Variants in CHD4 observed in about 807,000 individuals in gnomAD.
CHD4 encodes the protein ATP-dependent chromatin remodeler CHD4.
In CHD4, 35 loss-of-function variants were observed where a neutral mutation model predicts 235.5. The observed-to-expected ratio is 0.15, with a 90% CI of 0.11 to 0.20. The LOEUF (loss-of-function observed/expected upper bound fraction) is 0.20. CHD4 is among the 10% of genes least tolerant of loss of function. CHD4 has a pLI of 1.00. For missense variants in CHD4, 1,329 were observed against 2,432.3 expected (o/e 0.55, Z 9.54); for synonymous variants, 900 against 850.2 (o/e 1.06, Z -1.02).
chr12:6,592,039 G>C lies in CHD4; in HGVS notation c.2967C>G (p.Ile989Met). 6.2e-7 allele frequency: 1 copy of C among 1,614,174 alleles called. No individual in the cohort carries two copies. Among genetic ancestry groups the C allele is most frequent in the Non-Finnish European group, 8.5e-7 (1 of 1,180,046 alleles). The stretch of plus-strand genomic sequence containing the variant: ...TGAGTGCTTCAAAATTTCGAGTGAG[G>C]ATGTACTTGTAGTATTTCCTACATG... ...SPMQKKYYKY[I>M]LTRNFEALNA... Residue 989 changes from isoleucine to methionine, a missense_variant, in exon 20 of 40, where the codon ATC becomes ATG. Ile to Met is a conservative substitution (Grantham distance 10). Around this residue, in one of 26 missense-constraint regions of CHD4, gnomAD observed 23 missense variants for 130.0 expected, o/e 0.18. Transcript: ENST00000544040.
chr12:6,589,407 G>T (rs1001800945), intron 22 of CHD4, among the ~76,000 whole-genome samples: 1 of 152,138 alleles, frequency 6.6e-6, no homozygotes, highest in African/African-American at 2.4e-5. Flanking sequence ...CTTAACCAGT[G>T]ATCAAGTCAT....
intron 2 of CHD4, chr12:6,602,955 G>A (rs770219141): frequency 1.5e-4 from 24 of 155,310 alleles, no homozygotes; most frequent in Non-Finnish European, 3.1e-4. Flanking sequence ...CAGTTCAGGG[G>A]TCTCGGAAAC....
intron 1 of CHD4, chr12:6,607,060 T>G (rs1005583031): frequency 1.4e-5 from 2 of 144,806 alleles, no homozygotes; most frequent in East Asian, 2.1e-4. Context: ...GCGCCGGGCA[T>G]TGTGGGAGAC....
Position 6,606,382 on chromosome 12 carries a change from G to A in CHD4, c.-9C>T. ...CCCAGGCCCGACGCCATCCCCTTCC[G>A]CTCCCGGCCAGGGAATTGGCCCAGC... On this transcript the variant is annotated 5_prime_UTR_variant, in exon 2 of 40. Coordinates refer to ENST00000544040, the MANE Select transcript of CHD4 (RefSeq NM_001273.5). 6.4e-7 allele frequency: 1 copy of A among 1,563,230 alleles called. No homozygotes were observed. The highest frequency in any genetic ancestry group is 8.6e-7 in the Non-Finnish European group (1 of 1,157,160).
rs1948702111 is a variant in CHD4, at chr12:6,606,445, C to T, written c.-72G>A. On this transcript the variant is annotated 5_prime_UTR_variant, in exon 2 of 40. Coordinates refer to ENST00000544040, the MANE Select transcript of CHD4 (RefSeq NM_001273.5). ...CGGCCTGAGGACCTCTACACTGGCC[C>T]GAGTCACTGTGCGGGGGAGGGGGGA... 2.3e-6 allele frequency: 2 copies of T among 872,998 alleles called. No individual in the cohort carries two copies. Among genetic ancestry groups the T allele is most frequent in the South Asian group, 1.5e-5 (1 of 64,828 alleles). The allele number at this position is 872,998 out of a possible 1,614,324, so 54.1% of individuals were successfully genotyped here. A position where few individuals can be genotyped will look rare whatever the true frequency, so the allele number is the denominator to read the frequency against.
chr12:6,600,121 C>T, intron 9 of CHD4, 96 bp downstream of exon 9: 2 of 1,577,334 alleles, frequency 1.3e-6, no homozygotes, highest in Non-Finnish European at 1.7e-6. Context: ...CAACCCGCAG[C>T]ACCAGCATTT....
intron 11 of CHD4, 32 bp downstream of exon 11, chr12:6,598,190 G>T: frequency 6.2e-7 from 1 of 1,608,490 alleles, no homozygotes; most frequent in Non-Finnish European, 8.5e-7. Flanking sequence ...CTTCATCGTA[G>T]CCCCTACATC....
At chr12:6,601,588 A>G in intron 5 of CHD4, 58 bp from the exon 6 acceptor site, 1 of 1,612,806 alleles carries the variant, frequency 6.2e-7, no homozygotes, top group East Asian at 2.2e-5. Context: ...AAAGAAAGAG[A>G]AGTAAGAAGA....
At chr12:6,603,699 G>A (rs573691154) in intron 2 of CHD4, among the ~76,000 whole-genome samples, 8 of 152,276 alleles carry the variant, frequency 5.3e-5, no homozygotes, top group South Asian at 4.2e-4. Flanking sequence ...CAAGGAAAGC[G>A]AGACAAACAT....
rs2136226014 is a variant in CHD4, at chr12:6,602,361, C to T, written c.222+15G>A. On this transcript the variant is annotated intron_variant, in intron 3 of 39. Transcript: ENST00000544040. ...TCTTCCTCTGATTCCCCGTAACATT[C>T]AGTCACCCACTCACCTCCTTTTTTT... 10 of 1,612,614 alleles carry T rather than the reference C, an allele frequency of 6.2e-6. No individual in the cohort carries two copies. The highest frequency in any genetic ancestry group is 8.5e-6 in the Non-Finnish European group (10 of 1,179,746).
rs949246400 is a variant in CHD4 at position 6,602,103 on chromosome 12, C to T, written c.295G>A (p.Val99Met). 3 of 1,613,698 alleles carry T rather than the reference C, an allele frequency of 1.9e-6. No homozygotes were observed. The highest frequency in any genetic ancestry group is 2.2e-5 in the South Asian group (2 of 91,082). Reference sequence around the variant, plus strand: ...CCCTCACTGTCTGAGCGCAGAGCCACCTCTTCCTCCTCCTCCACAAACTCT... The same window carrying T: ...CCCTCACTGTCTGAGCGCAGAGCCATCTCTTCCTCCTCCTCCACAAACTCT... ...GPEFVEEEEE[V>M]ALRSDSEGSD... The change falls in exon 4 of 40, where the codon GTG becomes ATG. Residue 99 changes from valine (V) to methionine (M), a missense_variant. Physicochemically the swap from Val to Met is conservative, Grantham distance 21. Coordinates refer to ENST00000544040, the MANE Select transcript of CHD4 (RefSeq NM_001273.5).
intron 2 of CHD4, chr12:6,603,291 A>T (rs1018272497): frequency 6.6e-6 from 1 of 152,360 alleles, no homozygotes; most frequent in Non-Finnish European, 1.5e-5. Context: ...ATAGGTGGGA[A>T]GGGACACAGA....
chr12:6,606,153 C>T (rs1948692548), intron 2 of CHD4, 121 bp downstream of exon 2: 4 of 662,380 alleles, frequency 6.0e-6, no homozygotes, highest in Non-Finnish European at 5.1e-6. Context: ...CCTTCGGATA[C>T]CCTCCACCTC....
intron 2 of CHD4, among the ~76,000 whole-genome samples, chr12:6,605,534 A>C: frequency 6.6e-6 from 1 of 152,182 alleles, no homozygotes; most frequent in Non-Finnish European, 1.5e-5. Context: ...GACACTTCAC[A>C]CTGCCAGCCT....
intron 5 of CHD4, 33 bp downstream of exon 5, chr12:6,601,615 T>C: frequency 6.2e-7 from 1 of 1,613,512 alleles, no homozygotes; most frequent in Non-Finnish European, 8.5e-7. Flanking sequence ...AGAAAGATTC[T>C]CCTCCCCCTT....
Position 6,581,746 on chromosome 12 carries a change from C to G in CHD4, c.4584G>C (p.Lys1528Asn), listed in dbSNP as rs1565605163. 1 of 1,599,764 alleles carries G rather than the reference C, an allele frequency of 6.3e-7. No homozygotes were observed. Residue 1528 changes from lysine to asparagine, a missense_variant, in exon 31 of 40, where the codon AAG becomes AAC. By Grantham distance (94) the Lys-to-Asn change is moderately conservative (BLOSUM62 0). This residue lies in a region of CHD4 where 219 missense variants were observed against 219.3 expected (regional missense o/e 1.00). Transcript: ENST00000544040. ...MPELAEVEEN[K>N]KMSQPGSPSP... ...AGGGTGACCCTGGCTGGGACATCTT[C>G]TTGTTTTCCTCCACCTCAGCCAGTT... is the stretch of plus-strand genomic sequence containing the variant.
intron 37 of CHD4, among the ~76,000 whole-genome samples, chr12:6,574,055 T>C (rs1213120968): frequency 2.6e-5 from 4 of 152,100 alleles, no homozygotes; most frequent in Non-Finnish European, 5.9e-5. Flanking sequence ...TTTAAAAATA[T>C]TTTTGTTTTT....
intron 32 of CHD4, 54 bp downstream of exon 32, chr12:6,581,237 G>GA: frequency 6.2e-7 from 1 of 1,613,204 alleles, no homozygotes; most frequent in Non-Finnish European, 8.5e-7. Context: ...CTAAAAGGAA[G>GA]ACTGGACTTA....
At position 6,602,056 on chromosome 12, in the gene CHD4, C is replaced by G. The variant is rs1948604680; in HGVS notation, c.342G>C (p.Lys114Asn). The G allele has an allele frequency of 6.2e-7, 1 of 1,613,270 alleles. No homozygotes were observed. Among genetic ancestry groups the G allele is most frequent in the South Asian group, 1.1e-5 (1 of 91,074 alleles). Reference protein sequence around the residue: ...DSEGSDYTPGKKKKKKLGPKK... With the variant: ...DSEGSDYTPGNKKKKKLGPKK... ...TAGGTCCAAGCTTCTTCTTCTTCTT[C>G]TTGCCAGGAGTATAGTCGCTGCCCT... The change falls in exon 4 of 40, where the codon AAG (lysine) becomes AAC (asparagine). Residue 114 changes from lysine (K) to asparagine (N), a missense_variant. This residue lies in a region of CHD4 where 213 missense variants were observed against 177.5 expected (regional missense o/e 1.20). Transcript: ENST00000544040.
Sources: allele counts gnomAD v4.1 joint callset (sites outside exome capture counted in the v4.1 genomes callset), GRCh38; gene constraint gnomAD v4.1.1; regional missense constraint gnomAD v4.1.1; transcripts MANE v1.5; gene names NCBI Gene and HGNC (gene_info 2026-07-23, HGNC 2026-07-21).